Variants in TVP23C observed in about 807,000 individuals in gnomAD.
TVP23C encodes the protein Golgi apparatus membrane protein TVP23 homolog C.
A neutral mutation model predicts 28.7 loss-of-function variants in TVP23C; 19 were observed. The observed-to-expected ratio is 0.66, with a 90% CI of 0.46 to 0.97. The LOEUF (loss-of-function observed/expected upper bound fraction) is 0.97, where lower values mean the gene tolerates loss of function less well. Ranked by LOEUF, TVP23C falls within the 50% of genes least tolerant of loss-of-function variation. The pLI is 0.00. For synonymous variants in TVP23C, 68 were observed against 81.7 expected, an observed-to-expected ratio of 0.83 and a Z score of 0.90; for missense variants, 186 against 241.3, an observed-to-expected ratio of 0.77 and a Z score of 1.52.
chr17:15,515,680 G>A (rs1364430187), intron 5 of TVP23C, among the ~76,000 whole-genome samples: 1 of 152,170 alleles, frequency 6.6e-6, no homozygotes, highest in East Asian at 1.9e-4. Context: ...GCCAAGGAAT[G>A]GAGACCCTAA....
At chr17:15,508,679 C>T (rs1981875302) in intron 5 of TVP23C, among the ~76,000 whole-genome samples, 1 of 152,200 alleles carries the variant, frequency 6.6e-6, no homozygotes, top group African/African-American at 2.4e-5. Context: ...TGCTCTGGGA[C>T]CAGGAAAATG....
intron 5 of TVP23C, among the ~76,000 whole-genome samples, chr17:15,529,262 G>A (rs560596991): frequency 1.3e-5 from 2 of 152,134 alleles, no homozygotes; most frequent in African/African-American, 4.8e-5. Flanking sequence ...GACCAGCCTG[G>A]CCAACATGGT....
chr17:15,508,472 GA>G (rs762426876), intron 5 of TVP23C, among the ~76,000 whole-genome samples: 4 of 152,168 alleles, frequency 2.6e-5, no homozygotes, highest in Admixed American at 1.3e-4. Context: ...AGGTCCTGCA[GA>G]TGCTCACACA....
rs760961216 is a variant in TVP23C, at chr17:15,555,366, T to G, written c.13-2A>C. 3.7e-6 allele frequency: 6 copies of G among 1,613,946 alleles called. No homozygotes were observed. Among genetic ancestry groups the G allele is most frequent in the Non-Finnish European group, 5.1e-6 (6 of 1,179,860 alleles). ...ATCTTCAGTGTCATCATTACTATCC[T>G]GGTTGGAAAAATAAATGGTCAAGAA... On this transcript the variant is annotated splice_acceptor_variant, in intron 1 of 5. Transcript: ENST00000518321. LOFTEE classifies it high-confidence loss of function.
chr17:15,538,901 A>G lies in TVP23C; in HGVS notation c.*1511T>C. The G allele has an allele frequency of 9.1e-6, 9 of 985,850 alleles. No homozygotes were observed. Among genetic ancestry groups the G allele is most frequent in the Non-Finnish European group, 9.6e-6 (8 of 829,922 alleles). The allele number at this position is 985,850 out of a possible 1,614,324, so 61.1% of individuals were successfully genotyped here. A position where few individuals can be genotyped will look rare whatever the true frequency, so the allele number is the denominator to read the frequency against. The stretch of plus-strand genomic sequence containing the variant: ...AAAAATCCTTCAGAATGAGATGATC[A>G]TGTCCCTACATGAATATTCATTTTC... On this transcript the variant is annotated 3_prime_UTR_variant, in exon 6 of 6. Transcript: ENST00000518321.
chr17:15,511,053 CAA>C (rs58794054), intron 5 of TVP23C, among the ~76,000 whole-genome samples: 11,857 of 82,608 alleles, frequency 0.14, 596 homozygotes, highest in African/African-American at 0.28. Flanking sequence ...GACTTCGTCT[CAA>C]AAAAAAAAAA....
At chr17:15,547,825 T>C (rs1324060291) in intron 3 of TVP23C, among the ~76,000 whole-genome samples, 1 of 152,214 alleles carries the variant, frequency 6.6e-6, no homozygotes, top group African/African-American at 2.4e-5. Flanking sequence ...AAATTTGATC[T>C]AGTCTGGGTA....
At chr17:15,519,888 C>T (rs1307818744) in intron 5 of TVP23C, among the ~76,000 whole-genome samples, 4 of 152,292 alleles carry the variant, frequency 2.6e-5, no homozygotes, top group Admixed American at 6.5e-5. Context: ...GGCAACAGAG[C>T]GAGACTCCGT....
At chr17:15,523,915 C>G (rs1192669034) in intron 5 of TVP23C, among the ~76,000 whole-genome samples, 1 of 152,174 alleles carries the variant, frequency 6.6e-6, no homozygotes, top group African/African-American at 2.4e-5. Context: ...GCCCAGCCGC[C>G]AGAAGATATT....
intron 1 of TVP23C, among the ~76,000 whole-genome samples, chr17:15,561,576 G>A (rs1984389379): frequency 6.6e-6 from 1 of 151,722 alleles, no homozygotes; most frequent in African/African-American, 2.4e-5. Flanking sequence ...TCCAGCCTGG[G>A]CAACAAGAGT....
exon 6 of TVP23C, chr17:15,502,851 T>C: frequency 6.4e-7 from 1 of 1,560,848 alleles, no homozygotes; most frequent in Non-Finnish European, 8.7e-7. Flanking sequence ...AGCTTCAGAT[T>C]TGTGGGTTGT....
chr17:15,504,839 G>A (rs566123806), intron 5 of TVP23C, among the ~76,000 whole-genome samples: 1 of 152,134 alleles, frequency 6.6e-6, no homozygotes, highest in African/African-American at 2.4e-5. Flanking sequence ...CTCCACGGAG[G>A]ATGAGGTTTA....
chr17:15,520,399 T>C (rs1982424293), intron 5 of TVP23C, among the ~76,000 whole-genome samples: 1 of 148,646 alleles, frequency 6.7e-6, no homozygotes, highest in Non-Finnish European at 1.5e-5. Flanking sequence ...GGGTCATCTT[T>C]CATCTTCTCA....
chr17:15,530,505 T>G (rs1469708207), intron 5 of TVP23C, among the ~76,000 whole-genome samples: 1 of 152,228 alleles, frequency 6.6e-6, no homozygotes, highest in East Asian at 1.9e-4. Flanking sequence ...CATTATTTCA[T>G]AAGTACTGCT....
chr17:15,533,070 G>A (rs1983011997), downstream of TVP23C, among the ~76,000 whole-genome samples: 1 of 152,130 alleles, frequency 6.6e-6, no homozygotes, highest in Non-Finnish European at 1.5e-5. Flanking sequence ...GTAGACTAAT[G>A]GTTTTCGCCC....
chr17:15,507,493 G>A (rs1307361096), intron 5 of TVP23C: 1 of 413,992 alleles, frequency 2.4e-6, no homozygotes, highest in Non-Finnish European at 4.4e-6. Flanking sequence ...TGTTTTCCTT[G>A]TTCCCTTCCA....
chr17:15,529,338 G>A (rs896605532), intron 5 of TVP23C, among the ~76,000 whole-genome samples: 2 of 152,026 alleles, frequency 1.3e-5, no homozygotes, highest in Non-Finnish European at 2.9e-5. Flanking sequence ...TGTAATCCCA[G>A]CTAATCGGGA....
At chr17:15,512,943 C>T (rs565319118) in intron 5 of TVP23C, among the ~76,000 whole-genome samples, 1 of 152,304 alleles carries the variant, frequency 6.6e-6, no homozygotes, top group African/African-American at 2.4e-5. Context: ...GGACCTTAGG[C>T]AAATCCCCTC....
At chr17:15,505,579 G>A (rs868260929) in intron 5 of TVP23C, among the ~76,000 whole-genome samples, 23 of 152,202 alleles carry the variant, frequency 1.5e-4, no homozygotes, top group African/African-American at 5.5e-4. Flanking sequence ...TCCTCTGCCA[G>A]GGCTCCCACT....
Sources: allele counts gnomAD v4.1 joint callset (sites outside exome capture counted in the v4.1 genomes callset), GRCh38; gene constraint gnomAD v4.1.1; transcripts MANE v1.5; gene names NCBI Gene and HGNC (gene_info 2026-07-23, HGNC 2026-07-21).